Variants in UHRF1 observed in about 807,000 individuals in gnomAD.
UHRF1 encodes ubiquitin like with PHD and ring finger domains 1, also known as E3 ubiquitin-protein ligase UHRF1.
In UHRF1, 9 loss-of-function variants were observed where a neutral mutation model predicts 96.5. The observed-to-expected ratio is 0.09, with a 90% CI of 0.06 to 0.16. UHRF1 has a LOEUF of 0.16. Ranked by LOEUF, UHRF1 falls within the 10% of genes least tolerant of loss-of-function variation. The probability of loss-of-function intolerance (pLI) is 1.00; values close to 1 mark genes in which losing one functional copy is unlikely to be tolerated. For missense variants in UHRF1, 626 were observed against 1,131.1 expected, an observed-to-expected ratio of 0.55 and a Z score of 6.40; for synonymous variants, 455 against 469.9, an observed-to-expected ratio of 0.97 and a Z score of 0.41.
chr19:4,955,442 C>G (rs17884108), intron 15 of UHRF1, among the ~76,000 whole-genome samples: 1 of 152,128 alleles, frequency 6.6e-6, no homozygotes, highest in Non-Finnish European at 1.5e-5. Flanking sequence ...TGACATCAGG[C>G]CCCCCGCCTC....
At chr19:4,944,314 G>A (rs369488477) in intron 8 of UHRF1, 29 bp from the exon 9 acceptor site, 36 of 1,613,896 alleles carry the variant, frequency 2.2e-5, no homozygotes, top group Non-Finnish European at 3.1e-5. Flanking sequence ...GGCTCACGCT[G>A]TTGTTCTTTG....
intron 11 of UHRF1, among the ~76,000 whole-genome samples, chr19:4,948,710 A>C (rs2033637630): frequency 6.6e-6 from 1 of 151,564 alleles, no homozygotes. Flanking sequence ...GCTGAGGCAG[A>C]ATTGCTTGAA....
At chr19:4,953,146 T>C (rs568119515) in intron 13 of UHRF1, among the ~76,000 whole-genome samples, 2 of 152,266 alleles carry the variant, frequency 1.3e-5, no homozygotes, top group South Asian at 2.1e-4. Context: ...GATTATCTCC[T>C]CTTAGTCTCC....
At chr19:4,919,083 G>C (rs952924559) in intron 2 of UHRF1, among the ~76,000 whole-genome samples, 1 of 148,290 alleles carries the variant, frequency 6.7e-6, no homozygotes, top group Non-Finnish European at 1.5e-5. Context: ...GGAGTGCAGC[G>C]GCGCGATCTC....
intron 5 of UHRF1, among the ~76,000 whole-genome samples, chr19:4,938,129 G>C (rs1023171050): frequency 1.3e-5 from 2 of 152,072 alleles, no homozygotes; most frequent in African/African-American, 4.8e-5. Context: ...ACTCCAGCCT[G>C]GATGACAGAG....
At position 4,929,449 on chromosome 19, in the gene UHRF1, G is replaced by C; in HGVS notation, c.381G>C (p.Trp127Cys). 1 of 1,613,778 alleles carries C rather than the reference G, an allele frequency of 6.2e-7. No individual in the cohort carries two copies. ...TDSRPADEDM[W>C]DETELGLYKV... ...GCAGGCCAGCCGATGAGGACATGTG[G>C]GATGAGACGGAATTGGGGCTGTACA... is the stretch of plus-strand genomic sequence containing the variant. The change falls in exon 3 of 17, where the codon TGG becomes TGC. Residue 127 changes from tryptophan to cysteine, a missense_variant. Physicochemically the swap from Trp to Cys is radical, Grantham distance 215. Transcript: ENST00000650932.
In UHRF1 at chr19:4,954,915, A is replaced by G; in HGVS notation, c.2130+93A>G. ...TCCCATGTTCCCCATTTTCAAGTGT[A>G]CAGCTCAGTCGCACTGAGTACATTC... On this transcript the variant is annotated intron_variant, in intron 15 of 16. Coordinates refer to ENST00000650932, the MANE Select transcript of UHRF1 (RefSeq NM_001048201.3). The surrounding 1 kb of genome is among the most constrained non-coding windows in gnomAD (Gnocchi z 5.9). 2.0e-6 allele frequency: 3 copies of G among 1,501,956 alleles called. No homozygotes were observed. The highest frequency in any genetic ancestry group is 3.6e-5 in the Admixed American group (2 of 54,934). 93.0% of individuals were successfully genotyped at this position (1,501,956 alleles called of 1,614,324 possible).
At chr19:4,944,813 A>G (rs1018374177) in intron 9 of UHRF1, among the ~76,000 whole-genome samples, 3 of 152,154 alleles carry the variant, frequency 2.0e-5, no homozygotes, top group Non-Finnish European at 4.4e-5. Context: ...GGGCGCTGTC[A>G]GCTGTGGGCT....
chr19:4,932,528 A>T (rs2033085013), intron 4 of UHRF1, among the ~76,000 whole-genome samples: 1 of 152,194 alleles, frequency 6.6e-6, no homozygotes, highest in Admixed American at 6.6e-5. Context: ...GCCTTTGAAC[A>T]TCTCTTTTTG....
intron 5 of UHRF1, among the ~76,000 whole-genome samples, chr19:4,939,221 T>G (rs1041461061): frequency 7.0e-5 from 9 of 128,344 alleles, no homozygotes; most frequent in Non-Finnish European, 1.6e-4. Flanking sequence ...CCCGGCCATT[T>G]TTTTTTTTTT....
chr19:4,955,144 C>T (rs925393470), intron 15 of UHRF1, among the ~76,000 whole-genome samples: 1 of 152,046 alleles, frequency 6.6e-6, no homozygotes, highest in African/African-American at 2.4e-5. Context: ...TCTCTGTCTC[C>T]CGGGGCTGTT....
chr19:4,929,553 C>T (rs2032984695), intron 3 of UHRF1, 77 bp downstream of exon 3: 1 of 1,538,012 alleles, frequency 6.5e-7, no homozygotes, highest in Non-Finnish European at 8.8e-7. Flanking sequence ...CCAGGGCTCA[C>T]AGGAGGGGCT....
intron 1 of UHRF1, among the ~76,000 whole-genome samples, chr19:4,903,808 C>T (rs2032000230): frequency 6.6e-6 from 1 of 151,932 alleles, no homozygotes; most frequent in Admixed American, 6.6e-5. Context: ...CAGGTGCATA[C>T]ACACTCATTT....
At chr19:4,958,649 C>CTG (rs2033916970) in intron 16 of UHRF1, among the ~76,000 whole-genome samples, 1 of 152,232 alleles carries the variant, frequency 6.6e-6, no homozygotes, top group Non-Finnish European at 1.5e-5. Flanking sequence ...GGGAAACAGG[C>CTG]TGTGACCTTC....
At chr19:4,940,291 G>T (rs185729503) in intron 5 of UHRF1, among the ~76,000 whole-genome samples, 2 of 151,524 alleles carry the variant, frequency 1.3e-5, no homozygotes, top group African/African-American at 2.4e-5. Flanking sequence ...TGATCTCGGG[G>T]GATCAGTTTC....
At chr19:4,946,887 T>A (rs2033582023) in intron 10 of UHRF1, among the ~76,000 whole-genome samples, 1 of 151,896 alleles carries the variant, frequency 6.6e-6, no homozygotes, top group African/African-American at 2.4e-5. Context: ...TCTGTTTAAG[T>A]TTCTTGAGGA....
intron 16 of UHRF1, among the ~76,000 whole-genome samples, chr19:4,959,072 G>A (rs1467832236): frequency 6.6e-6 from 1 of 150,840 alleles, no homozygotes; most frequent in South Asian, 2.1e-4. Context: ...TGAACTCCTC[G>A]CGGGGCTAAA....
At chr19:4,939,851 C>T (rs560185620) in intron 5 of UHRF1, among the ~76,000 whole-genome samples, 123 of 152,134 alleles carry the variant, frequency 8.1e-4, no homozygotes, top group Non-Finnish European at 1.2e-3. Context: ...GGTGAAACCC[C>T]GTCTCTACTA....
chr19:4,952,393 C>CT (rs150183272), intron 13 of UHRF1, among the ~76,000 whole-genome samples: 17,887 of 82,530 alleles, frequency 0.22, 3,065 homozygotes, highest in Non-Finnish European at 0.26. Context: ...CGCTCCCAGC[C>CT]TTTTTTTTTT....
Sources: gnomAD v4.1 joint callset for allele counts (sites outside exome capture counted in the v4.1 genomes callset) on GRCh38, gnomAD v4.1.1 for gene constraint, Gnocchi (gnomAD v3.1) non-coding constraint, MANE v1.5 for transcripts, NCBI Gene and HGNC (gene_info 2026-07-23, HGNC 2026-07-21) for gene names.